The following POR variants were observed in gnomAD, a reference collection of about 807,000 sequenced individuals.
POR encodes the protein cytochrome p450 oxidoreductase.
A neutral mutation model predicts 84.0 loss-of-function variants in POR; 56 were observed. That is an observed-to-expected ratio of 0.67 (90% confidence interval 0.54 to 0.83). The LOEUF is 0.83. Among genes scored for constraint, POR ranks in the 40% least tolerant of loss-of-function variants. The probability of loss-of-function intolerance (pLI) is 0.00; values close to 1 mark genes in which losing one functional copy is unlikely to be tolerated. For synonymous variants in POR, 414 were observed against 400.5 expected (o/e 1.03, Z -0.40); for missense variants, 938 against 944.3 (o/e 0.99, Z 0.09).
At chr7:75,964,908 G>A (rs913304166) in intron 2 of POR, among the ~76,000 whole-genome samples, 7 of 151,980 alleles carry the variant, frequency 4.6e-5, no homozygotes, top group Non-Finnish European at 1.0e-4. Flanking sequence ...TGGTGGTGTG[G>A]ACCTGTCATC....
intron 2 of POR, among the ~76,000 whole-genome samples, chr7:75,966,486 G>A (rs1057336459): frequency 2.6e-5 from 4 of 152,148 alleles, no homozygotes; most frequent in Admixed American, 6.5e-5. Context: ...TGCTGCCATC[G>A]TGCCTCTGTG....
intron 2 of POR, among the ~76,000 whole-genome samples, chr7:75,962,986 T>C (rs1272482423): frequency 6.6e-6 from 1 of 152,218 alleles, no homozygotes; most frequent in Non-Finnish European, 1.5e-5. Flanking sequence ...TACGTCCCCC[T>C]GGAGATTGCT....
chr7:75,974,684 G>T (rs1474443961), intron 3 of POR, among the ~76,000 whole-genome samples: 1 of 151,902 alleles, frequency 6.6e-6, no homozygotes, highest in Non-Finnish European at 1.5e-5. Flanking sequence ...GTGCTACCAT[G>T]CCTGGCTAAC....
At position 75,986,491 on chromosome 7, in the gene POR, T is replaced by A. The variant is rs1554559532; in HGVS notation, c.*10T>A. On this transcript the variant is annotated 3_prime_UTR_variant, in exon 16 of 16. Transcript: ENST00000461988. Reference sequence around the variant, plus strand: ...GGACGTGTGGAGCTAGGGGCCTGCCTGCCCCACCCACCCCACAGACTCCGG... The same window carrying A: ...GGACGTGTGGAGCTAGGGGCCTGCCAGCCCCACCCACCCCACAGACTCCGG... The A allele has an allele frequency of 6.2e-7, 1 of 1,605,702 alleles. No individual in the cohort carries two copies. The highest frequency in any genetic ancestry group is 8.5e-7 in the Non-Finnish European group (1 of 1,178,940).
chr7:75,975,060 CAG>C (rs1788614387), intron 3 of POR, among the ~76,000 whole-genome samples: 2 of 152,148 alleles, frequency 1.3e-5, no homozygotes, highest in Admixed American at 6.5e-5. Context: ...GTAAAAGTTA[CAG>C]AGTCACCTAT....
intron 1 of POR, among the ~76,000 whole-genome samples, chr7:75,940,640 C>A (rs1455409294): frequency 4.6e-5 from 7 of 151,424 alleles, no homozygotes; most frequent in Admixed American, 4.6e-4. Context: ...AAAAATTAGC[C>A]GGGTGTGGTG....
At chr7:75,983,242 G>T in intron 8 of POR, 1 of 356,870 alleles carries the variant, frequency 2.8e-6, no homozygotes, top group Non-Finnish European at 5.1e-6. Flanking sequence ...TCAGGAGGCT[G>T]AGGCAGGAGA....
intron 5 of POR, chr7:75,980,764 C>T (rs781959335): frequency 9.1e-6 from 13 of 1,434,816 alleles, no homozygotes; most frequent in East Asian, 2.6e-5. Flanking sequence ...TGCCTGGCCT[C>T]GGAGAGCTGG....
chr7:75,975,963 C>G (rs1319546185), intron 3 of POR, among the ~76,000 whole-genome samples: 2 of 151,774 alleles, frequency 1.3e-5, no homozygotes, highest in African/African-American at 4.8e-5. Context: ...GTTCAGATTT[C>G]TATTACATCA....
At chr7:75,920,056 CTTTTTTTTTTTTT>C (rs71519397) in intron 1 of POR, among the ~76,000 whole-genome samples, 48 of 76,522 alleles carry the variant, frequency 6.3e-4, no homozygotes, top group African/African-American at 1.3e-3. Flanking sequence ...AGTTGAATTT[CTTTTTTTTTTTTT>C]TTTTTTTTTT....
intron 2 of POR, among the ~76,000 whole-genome samples, chr7:75,966,240 C>T (rs1437583344): frequency 6.6e-6 from 1 of 152,216 alleles, no homozygotes; most frequent in Non-Finnish European, 1.5e-5. Context: ...TTCACCTCCC[C>T]CTGCCTGTAG....
At chr7:75,979,680 G>A (rs1293423396) in intron 4 of POR, 101 bp downstream of exon 4, 1 of 1,511,468 alleles carries the variant, frequency 6.6e-7, no homozygotes, top group South Asian at 1.2e-5. Context: ...GCAGGGAGTG[G>A]GGTCCTGGGA....
Position 75,986,178 on chromosome 7 carries a change from T to TA in POR, c.1838dup (p.Gln614AlafsTer39), listed in dbSNP as rs1789444947. 6.2e-7 allele frequency: 1 copy of TA among 1,612,084 alleles called. No homozygotes were observed. Among genetic ancestry groups the TA allele is most frequent in the African/African-American group, 1.3e-5 (1 of 75,014 alleles). On this transcript the variant is annotated frameshift_variant, in exon 15 of 16. Transcript: ENST00000461988. LOFTEE classifies it high-confidence loss of function. Reference sequence around the variant, plus strand: ...CCCCAGGTCTACGTCCAGCACCTGCTAAAGCAAGACCGAGAGCACCTGTGG... The same window carrying TA: ...CCCCAGGTCTACGTCCAGCACCTGCTAAAAGCAAGACCGAGAGCACCTGTGG...
rs150949148 is a variant in POR, at chr7:75,980,486, G to C, written c.514G>C (p.Ala172Pro). 6.2e-7 allele frequency: 1 copy of C among 1,612,858 alleles called. No homozygotes were observed. Among genetic ancestry groups the C allele is most frequent in the South Asian group, 1.1e-5 (1 of 91,068 alleles). ...CGTGGATCTCTCTGGGGTCAAGTTC[G>C]CGGTGAGTCACCCAGAGACTGCTAT... Residue 172 changes from alanine (A) to proline (P), a missense_variant and splice_region_variant, in exon 5 of 16, where the codon GCG becomes CCG. Transcript: ENST00000461988.
intron 1 of POR, among the ~76,000 whole-genome samples, chr7:75,924,735 A>T (rs2116227838): frequency 6.6e-6 from 1 of 152,284 alleles, no homozygotes; most frequent in South Asian, 2.1e-4. Context: ...TGAAAAATAG[A>T]AAATTCCCCA....
chr7:75,925,807 G>T (rs1402921095), intron 1 of POR, among the ~76,000 whole-genome samples: 1 of 152,132 alleles, frequency 6.6e-6, no homozygotes, highest in Non-Finnish European at 1.5e-5. Flanking sequence ...AGAGGTTCAG[G>T]CTCGGTTGTA....
chr7:75,979,672 A>G, intron 4 of POR, 93 bp downstream of exon 4: 4 of 1,529,710 alleles, frequency 2.6e-6, no homozygotes, highest in Non-Finnish European at 3.5e-6. Context: ...GGAGGCCGGC[A>G]GGGAGTGGGG....
At chr7:75,952,266 G>A (rs1331254666) in intron 1 of POR, among the ~76,000 whole-genome samples, 26 of 147,162 alleles carry the variant, frequency 1.8e-4, no homozygotes, top group Non-Finnish European at 3.1e-4. Context: ...TCCCGGACGG[G>A]GCGGCTGGCC....
intron 3 of POR, among the ~76,000 whole-genome samples, chr7:75,973,841 G>C (rs1381904038): frequency 4.0e-5 from 6 of 151,710 alleles, no homozygotes; most frequent in African/African-American, 1.5e-4. Flanking sequence ...CACCGTGCCT[G>C]GCTAATTTTT....
Sources: allele counts gnomAD v4.1 joint callset (sites outside exome capture counted in the v4.1 genomes callset), GRCh38; gene constraint gnomAD v4.1.1; transcripts MANE v1.5; gene names NCBI Gene and HGNC (gene_info 2026-07-23, HGNC 2026-07-21).